Variants in POLE observed in about 807,000 individuals in gnomAD.
POLE encodes the protein DNA polymerase epsilon, catalytic subunit.
POLE carries 188 observed loss-of-function variants against 279.2 expected under a neutral mutation model. The ratio of observed to expected loss-of-function variants is 0.67; its 90% CI spans 0.60 to 0.76. The LOEUF is 0.76. Ranked by LOEUF, POLE falls within the 30% of genes least tolerant of loss-of-function variation. POLE has a pLI of 0.00. For missense variants in POLE, 2,703 were observed against 3,016.7 expected (o/e 0.90, Z 2.44); for synonymous variants, 1,214 against 1,172.5 (o/e 1.04, Z -0.72).
chr12:132,657,490 A>C, intron 27 of POLE, 61 bp from the exon 28 acceptor site: 1 of 1,386,754 alleles, frequency 7.2e-7, no homozygotes, highest in Non-Finnish European at 1.0e-6. Flanking sequence ...AGTGGGGCTC[A>C]CTTCATGCTG....
intron 29 of POLE, chr12:132,650,275 T>C (rs1371028029): frequency 8.7e-6 from 2 of 230,484 alleles, no homozygotes; most frequent in Non-Finnish European, 1.7e-5. Context: ...CTAGTATAAG[T>C]ATATCACCTG....
rs752148857 is a variant in POLE, at chr12:132,659,488, CAG to C, written c.3080_3081del (p.Ser1027Ter). 2 of 1,614,146 alleles carry C rather than the reference CAG, an allele frequency of 1.2e-6. No homozygotes were observed. Among genetic ancestry groups the C allele is most frequent in the Admixed American group, 1.7e-5 (1 of 60,024 alleles). On this transcript the variant is annotated frameshift_variant, in exon 26 of 49. Coordinates refer to ENST00000320574, the MANE Select transcript of POLE (RefSeq NM_006231.4). LOFTEE classifies it high-confidence loss of function. ...TTCTCAGAGATGAGCTCGAATAGCT[CAG>C]AGTCAGGCATGTTGGCTGCCTAGAG... is the stretch of plus-strand genomic sequence containing the variant. ...LYSKAANMPD[S>X]ELFELISENR... is the part of the protein sequence containing the mutation.
At chr12:132,625,613 G>A in intron 47 of POLE, 32 bp downstream of exon 47, 1 of 1,610,482 alleles carries the variant, frequency 6.2e-7, no homozygotes, top group Non-Finnish European at 8.5e-7. Flanking sequence ...GTGGACTCCA[G>A]GGCACACGGG....
chr12:132,677,952 C>T (rs2043093521), intron 6 of POLE, among the ~76,000 whole-genome samples: 2 of 151,852 alleles, frequency 1.3e-5, no homozygotes. Flanking sequence ...CCAAGGAAGG[C>T]GGATCACCCG....
chr12:132,680,600 G>C lies in POLE; in HGVS notation c.285+7C>G, dbSNP rs1555230294. The C allele has an allele frequency of 2.5e-6, 4 of 1,610,810 alleles. No individual in the cohort carries two copies. Among genetic ancestry groups the C allele is most frequent in the African/African-American group, 1.3e-5 (1 of 74,942 alleles). The stretch of plus-strand genomic sequence containing the variant: ...TGGGTTTTAGCTTGTCGCAGTCAGG[G>C]GCTTACCTTAAATCTGCTTCCGTCA... On this transcript the variant is annotated splice_region_variant and intron_variant, in intron 3 of 48. Coordinates refer to ENST00000320574, the MANE Select transcript of POLE (RefSeq NM_006231.4).
In POLE at chr12:132,672,741, G is replaced by A. The variant is rs2135993646; in HGVS notation, c.1572C>T (p.Phe524=). The stretch of plus-strand genomic sequence containing the variant: ...CGTGTCCGTCGTCCGTCAGCTTATT[G>A]AACTCCTGCTCTTGCTTGTTGGGGA... ...IIFPNKQEQE[F]NKLTDDGHVL... The change falls in exon 15 of 49, where the codon TTC becomes TTT. Residue 524 remains phenylalanine, a synonymous_variant. Coordinates refer to ENST00000320574, the MANE Select transcript of POLE (RefSeq NM_006231.4). 6.2e-7 allele frequency: 1 copy of A among 1,614,202 alleles called. No homozygotes were observed. Among genetic ancestry groups the A allele is most frequent in the South Asian group, 1.1e-5 (1 of 91,088 alleles).
rs903100334 is a variant in POLE at position 132,634,743 on chromosome 12, C to T, written c.5812-365G>A. Among the ~76,000 whole-genome samples the T allele has an allele frequency of 1.3e-5, 2 of 152,164 alleles. No homozygotes were observed. The highest frequency in any genetic ancestry group is 2.9e-5 in the Non-Finnish European group (2 of 68,010). On this transcript the variant is annotated intron_variant, in intron 42 of 48. Transcript: ENST00000320574. This position sits in a 1 kb window ranked among gnomAD's most constrained non-coding sequence, Gnocchi z 4.0. The stretch of plus-strand genomic sequence containing the variant: ...CCATGAATCTCCTGGGACGGCACGA[C>T]CCCATCACAGACCCAGCCTCCCGCG...
At chr12:132,625,025 C>CCCTCCCGCGCTGGCCAGA in intron 47 of POLE, 31 bp from the exon 48 acceptor site, 2 of 1,562,178 alleles carry the variant, frequency 1.3e-6, no homozygotes, top group Non-Finnish European at 1.8e-6. Flanking sequence ...TGGGCGCCAG[C>CCCTCCCGCGCTGGCCAGA]CCTCCCGCGC....
At chr12:132,679,371 A>G in intron 6 of POLE, 126 bp downstream of exon 6, 1 of 879,892 alleles carries the variant, frequency 1.1e-6, no homozygotes, top group Non-Finnish European at 1.8e-6. Context: ...TCTCTACCTA[A>G]TTGCTCAAGT....
At chr12:132,625,474 G>A (rs1009124073) in intron 47 of POLE, 171 bp downstream of exon 47, 7 of 878,534 alleles carry the variant, frequency 8.0e-6, no homozygotes, top group Non-Finnish European at 1.1e-5. Context: ...TGCTCAACCA[G>A]TGTGGACAGA....
chr12:132,670,502 G>A (rs1368809798), intron 16 of POLE, among the ~76,000 whole-genome samples: 1 of 149,644 alleles, frequency 6.7e-6, no homozygotes, highest in Non-Finnish European at 1.5e-5. Context: ...ACCCGCCTCA[G>A]CCTCCCAAAA....
chr12:132,682,708 T>C (rs545107244), intron 1 of POLE, among the ~76,000 whole-genome samples: 2 of 152,100 alleles, frequency 1.3e-5, no homozygotes, highest in East Asian at 1.9e-4. Context: ...TCCCAGCACT[T>C]TGGGAGGCCA....
intron 13 of POLE, 69 bp downstream of exon 13, chr12:132,673,506 G>A (rs2042978021): frequency 1.3e-6 from 2 of 1,567,108 alleles, no homozygotes; most frequent in Non-Finnish European, 8.7e-7. Flanking sequence ...TCACATGCCT[G>A]GGGCTGCTCC....
At chr12:132,674,574 C>T (rs895468470) in intron 12 of POLE, among the ~76,000 whole-genome samples, 3 of 152,176 alleles carry the variant, frequency 2.0e-5, no homozygotes, top group Non-Finnish European at 4.4e-5. Flanking sequence ...CAACCCCTCC[C>T]TAAGAACCAG....
intron 41 of POLE, 64 bp downstream of exon 41, chr12:132,637,948 CAG>C (rs1242615431): frequency 3.3e-5 from 52 of 1,580,376 alleles, no homozygotes; most frequent in Non-Finnish European, 4.4e-5. Flanking sequence ...GCTGGCACCT[CAG>C]GGGGTCATTT....
rs992705028 is a variant in POLE, at chr12:132,648,844, T to C, written c.4149+85A>G. On this transcript the variant is annotated intron_variant, in intron 32 of 48. Transcript: ENST00000320574. ...ACATCCCCATAAGGTACTGAGGAGA[T>C]GGAGGCTGGAGGCCAGGCTAGATCA... is the stretch of plus-strand genomic sequence containing the variant. The C allele has an allele frequency of 2.1e-6, 3 of 1,400,586 alleles. 1 individual carries two copies. The South Asian group carries it at 3.9e-5, about 18-fold the overall frequency. 86.8% of individuals were successfully genotyped at this position (1,400,586 alleles called of 1,614,324 possible).
At chr12:132,665,090 G>A (rs889476570) in intron 21 of POLE, among the ~76,000 whole-genome samples, 8 of 151,986 alleles carry the variant, frequency 5.3e-5, no homozygotes, top group African/African-American at 1.5e-4. Flanking sequence ...CCCACAGCAC[G>A]CATCACTCAT....
At chr12:132,637,399 G>C (rs1388748011) in intron 41 of POLE, among the ~76,000 whole-genome samples, 1 of 152,214 alleles carries the variant, frequency 6.6e-6, no homozygotes, top group Admixed American at 6.5e-5. Flanking sequence ...CCCAGGGTGA[G>C]CGCACCTAGG....
chr12:132,625,943 A>G, intron 46 of POLE, 173 bp from the exon 47 acceptor site: 1 of 1,101,452 alleles, frequency 9.1e-7, no homozygotes. Context: ...TTCCTAGGAC[A>G]ACATTCCGAA....
Sources: gnomAD v4.1 joint callset for allele counts (sites outside exome capture counted in the v4.1 genomes callset) on GRCh38, gnomAD v4.1.1 for gene constraint, Gnocchi (gnomAD v3.1) non-coding constraint, MANE v1.5 for transcripts, NCBI Gene and HGNC (gene_info 2026-07-23, HGNC 2026-07-21) for gene names.